Variants in C2CD5 observed in about 807,000 individuals in gnomAD.
C2CD5 encodes C2 domain-containing protein 5.
In C2CD5, 109 loss-of-function variants were observed where a neutral mutation model predicts 130.3. The ratio of observed to expected loss-of-function variants is 0.84; its 90% CI spans 0.72 to 0.98. The LOEUF is 0.98. Ranked by LOEUF, C2CD5 falls within the 50% of genes least tolerant of loss-of-function variation. The pLI is 0.00. For missense variants in C2CD5, 996 were observed against 1,261.8 expected (o/e 0.79, Z 3.19); for synonymous variants, 454 against 429.2 (o/e 1.06, Z -0.71).
At chr12:22,496,304 A>T (rs1389914809) in intron 10 of C2CD5, among the ~76,000 whole-genome samples, 3 of 152,118 alleles carry the variant, frequency 2.0e-5, no homozygotes, top group Admixed American at 6.6e-5. Context: ...TGATAACTAC[A>T]GTCTTATAGG....
chr12:22,465,173 T>C (rs1941848189), intron 22 of C2CD5, among the ~76,000 whole-genome samples: 1 of 152,054 alleles, frequency 6.6e-6, no homozygotes, highest in African/African-American at 2.4e-5. Flanking sequence ...ATGTAATGAA[T>C]AGAGTATTCC....
intron 10 of C2CD5, among the ~76,000 whole-genome samples, chr12:22,498,153 T>C (rs962933239): frequency 6.6e-6 from 1 of 152,080 alleles, no homozygotes. Context: ...AAAATGATAA[T>C]TGCTGAGATT....
In C2CD5 at chr12:22,513,362, C is replaced by A. The variant is rs1949398483; in HGVS notation, c.970G>T (p.Ala324Ser). The change falls in exon 9 of 27, where the codon GCT becomes TCT. Residue 324 changes from alanine to serine, a missense_variant. By Grantham distance (99) the Ala-to-Ser change is moderately conservative. Transcript: ENST00000446597. Reference protein sequence around the residue: ...TPKTGMGSGSAGKEGGPFKAL... With the variant: ...TPKTGMGSGSSGKEGGPFKAL... ...TTAAAGGGCCCCCCTTCTTTTCCAG[C>A]ACTACCACTTCCCATTCCTACAGAA... The A allele has an allele frequency of 6.2e-7, 1 of 1,610,276 alleles. No individual in the cohort carries two copies. The highest frequency in any genetic ancestry group is 1.7e-5 in the Admixed American group (1 of 59,994).
chr12:22,478,235 T>C (rs554085471), intron 15 of C2CD5, 78 bp downstream of exon 15: 13 of 1,191,180 alleles, frequency 1.1e-5, no homozygotes, highest in Non-Finnish European at 1.4e-5. Flanking sequence ...AAAAATCTTG[T>C]GTCCTCAATA....
At chr12:22,509,728 C>T (rs1427400787) in intron 9 of C2CD5, among the ~76,000 whole-genome samples, 2 of 152,152 alleles carry the variant, frequency 1.3e-5, no homozygotes, top group East Asian at 1.9e-4. Flanking sequence ...GCTGTATAAC[C>T]TTTCCCATAT....
At chr12:22,500,789 A>G (rs1400789476) in intron 10 of C2CD5, among the ~76,000 whole-genome samples, 2 of 151,916 alleles carry the variant, frequency 1.3e-5, no homozygotes, top group Admixed American at 6.5e-5. Context: ...CTAATAATTA[A>G]TAAGTATATT....
At chr12:22,530,139 C>G (rs1233347825) in intron 3 of C2CD5, among the ~76,000 whole-genome samples, 7 of 124,546 alleles carry the variant, frequency 5.6e-5, no homozygotes, top group African/African-American at 1.9e-4. Flanking sequence ...CACACACACA[C>G]AGTGTATATA....
chr12:22,532,244 C>T (rs899639332), intron 3 of C2CD5, among the ~76,000 whole-genome samples: 9 of 151,746 alleles, frequency 5.9e-5, no homozygotes, highest in African/African-American at 2.2e-4. Context: ...GCAGGAGAAT[C>T]GCTTGAACCT....
chr12:22,499,248 A>G (rs1003085452), intron 10 of C2CD5, among the ~76,000 whole-genome samples: 2 of 152,144 alleles, frequency 1.3e-5, no homozygotes, highest in Non-Finnish European at 2.9e-5. Context: ...AGCAGACAAG[A>G]GCATGCTTCA....
intron 16 of C2CD5, 138 bp downstream of exon 16, chr12:22,474,613 G>A (rs1253854256): frequency 1.9e-6 from 1 of 539,810 alleles, no homozygotes; most frequent in East Asian, 3.4e-5. Context: ...TTTCAAGTTT[G>A]TTGTATTTTT....
At chr12:22,472,653 C>T in intron 17 of C2CD5, 91 bp downstream of exon 17, 1 of 827,052 alleles carries the variant, frequency 1.2e-6, no homozygotes, top group Non-Finnish European at 2.1e-6. Context: ...ATAAGTCCTT[C>T]TTTTAAAGTA....
chr12:22,449,742 CT>C lies in C2CD5; in HGVS notation c.*17del. On this transcript the variant is annotated 3_prime_UTR_variant, in exon 27 of 27. Coordinates refer to ENST00000446597, the MANE Select transcript of C2CD5 (RefSeq NM_001286176.2). ...TTGATGAATTTCATTTAGTTGAGCT[CT>C]TTTTTCCTAATTTTCCTCAGGTTGT... 6 of 1,561,720 alleles carry C rather than the reference CT, an allele frequency of 3.8e-6. No individual in the cohort carries two copies. The highest frequency in any genetic ancestry group is 4.4e-6 in the Non-Finnish European group (5 of 1,141,796).
chr12:22,504,997 C>T (rs1427386162), intron 10 of C2CD5, among the ~76,000 whole-genome samples: 1 of 151,942 alleles, frequency 6.6e-6, no homozygotes, highest in African/African-American at 2.4e-5. Context: ...AAGAGAAAAC[C>T]AGTGCTTAGA....
chr12:22,507,427 G>C (rs1175855151), intron 9 of C2CD5, among the ~76,000 whole-genome samples: 3 of 152,156 alleles, frequency 2.0e-5, no homozygotes, highest in Non-Finnish European at 4.4e-5. Flanking sequence ...AGTGCATAAA[G>C]GTACATTAAG....
intron 9 of C2CD5, among the ~76,000 whole-genome samples, chr12:22,510,260 T>C (rs1949041835): frequency 6.6e-6 from 1 of 152,106 alleles, no homozygotes; most frequent in South Asian, 2.1e-4. Context: ...CACATCCCGC[T>C]TTCAATGTCT....
intron 10 of C2CD5, among the ~76,000 whole-genome samples, chr12:22,493,890 A>T (rs1169675674): frequency 6.6e-6 from 1 of 151,884 alleles, no homozygotes; most frequent in Non-Finnish European, 1.5e-5. Context: ...GAAATTAGAG[A>T]CTAATTTAAA....
At chr12:22,504,838 G>A (rs937158680) in intron 10 of C2CD5, among the ~76,000 whole-genome samples, 15 of 146,908 alleles carry the variant, frequency 1.0e-4, no homozygotes, top group Non-Finnish European at 1.5e-5. Context: ...TATAGAATTT[G>A]GCATAGTCTT....
At chr12:22,469,885 T>G (rs527729055) in intron 21 of C2CD5, 90 bp from the exon 22 acceptor site, 104 of 676,256 alleles carry the variant, frequency 1.5e-4, no homozygotes, top group Non-Finnish European at 2.3e-4. Context: ...CATATACATA[T>G]TCTCAGCTCC....
intron 10 of C2CD5, among the ~76,000 whole-genome samples, chr12:22,501,752 T>C (rs951994160): frequency 1.2e-4 from 19 of 152,092 alleles, no homozygotes; most frequent in Non-Finnish European, 1.5e-5. Flanking sequence ...TAAATCTACA[T>C]GATGAACATG....
Sources: allele counts gnomAD v4.1 joint callset (sites outside exome capture counted in the v4.1 genomes callset), GRCh38; gene constraint gnomAD v4.1.1; transcripts MANE v1.5; gene names NCBI Gene and HGNC (gene_info 2026-07-23, HGNC 2026-07-21).